Variants in FNTB observed in about 807,000 individuals in gnomAD.
The protein encoded by FNTB is farnesyltransferase, CAAX box, subunit beta.
A neutral mutation model predicts 59.4 loss-of-function variants in FNTB; 27 were observed. The observed-to-expected ratio is 0.45, with a 90% CI of 0.34 to 0.63. The LOEUF is 0.63. FNTB is among the 20% of genes least tolerant of loss of function. The pLI is 0.02. For synonymous variants in FNTB, 230 were observed against 220.7 expected (o/e 1.04, Z -0.37); for missense variants, 449 against 559.6 (o/e 0.80, Z 1.99).
At chr14:65,013,323 T>G (rs2061713159) in intron 3 of FNTB, among the ~76,000 whole-genome samples, 1 of 101,506 alleles carries the variant, frequency 9.9e-6, no homozygotes, top group African/African-American at 4.6e-5. Context: ...CATCTTTGTT[T>G]CCTTTTTTTT....
chr14:65,027,179 C>T lies in FNTB; in HGVS notation c.375-274C>T, dbSNP rs544130558. 5.9e-5 allele frequency among the ~76,000 whole-genome samples: 9 copies of T among 152,290 alleles called. No individual in the cohort carries two copies. Among genetic ancestry groups the T allele is most frequent in the East Asian group, 1.9e-4 (1 of 5,180 alleles). ...ACGGGAGACTCTTACCCCATAGCTA[C>T]GAAAGTCGGTTTCTTCCCAGCCTTG... is the stretch of plus-strand genomic sequence containing the variant. On this transcript the variant is annotated intron_variant, in intron 4 of 11. Coordinates refer to ENST00000246166, the MANE Select transcript of FNTB (RefSeq NM_002028.4). The surrounding 1 kb of genome is among the most constrained non-coding windows in gnomAD (Gnocchi z 5.7).
intron 7 of FNTB, among the ~76,000 whole-genome samples, chr14:65,040,347 C>G (rs1161352318): frequency 6.7e-6 from 1 of 149,100 alleles, no homozygotes; most frequent in East Asian, 2.0e-4. Context: ...GATTTTATAA[C>G]TTTTTCCCAA....
At chr14:65,017,789 C>A (rs1372603776) in intron 4 of FNTB, among the ~76,000 whole-genome samples, 1 of 152,040 alleles carries the variant, frequency 6.6e-6, no homozygotes, top group East Asian at 1.9e-4. Flanking sequence ...AACCCCATCT[C>A]TACTAAAATA....
intron 4 of FNTB, among the ~76,000 whole-genome samples, chr14:65,018,851 C>T (rs1016692959): frequency 1.3e-5 from 2 of 151,142 alleles, no homozygotes; most frequent in African/African-American, 4.9e-5. Flanking sequence ...TGGCTCACAC[C>T]TGTAATCCCA....
intron 2 of FNTB, 78 bp downstream of exon 2, chr14:65,004,391 G>C: frequency 6.8e-7 from 1 of 1,463,434 alleles, no homozygotes; most frequent in Admixed American, 1.9e-5. Flanking sequence ...CTCCTTGAGC[G>C]AATCTAACCA....
chr14:65,052,924 AGGTAAGCTAAACAGCT>A (rs2139673300), intron 9 of FNTB, among the ~76,000 whole-genome samples: 1 of 152,292 alleles, frequency 6.6e-6, no homozygotes, highest in East Asian at 1.9e-4. Flanking sequence ...CAGTCTGGGA[AGGTAAGCTAAACAGCT>A]AGGCTGGTTC....
chr14:65,006,978 T>C lies in FNTB; in HGVS notation c.209+2665T>C, dbSNP rs547886557. On this transcript the variant is annotated intron_variant, in intron 2 of 11. Transcript: ENST00000246166. Reference sequence around the variant, plus strand: ...AGTGTTCCTCCTGGGCTCGGATCCTTGTGGAAATAGAATATATCAGGGCTC... The same window carrying C: ...AGTGTTCCTCCTGGGCTCGGATCCTCGTGGAAATAGAATATATCAGGGCTC... 2.2e-4 allele frequency among the ~76,000 whole-genome samples: 33 copies of C among 152,272 alleles called. 2 individuals are homozygous for C. In the South Asian group the frequency reaches 6.6e-3, roughly 31 times the overall value.
Position 65,023,131 on chromosome 14 carries a change from CACTGCAACCTGG to C in FNTB, c.375-4318_375-4307del, listed in dbSNP as rs1457706541. On this transcript the variant is annotated intron_variant, in intron 4 of 11. Transcript: ENST00000246166. This position sits in a 1 kb window ranked among gnomAD's most constrained non-coding sequence, Gnocchi z 4.1. ...GGAATGCAGTGGCACAATCACAGCT[CACTGCAACCTGG>C]ACTTCCCCAAGCTCAAGTGATCCTC... is the stretch of plus-strand genomic sequence containing the variant. Among the ~76,000 whole-genome samples the C allele has an allele frequency of 6.6e-6, 1 of 152,222 alleles. No individual in the cohort carries two copies. Among genetic ancestry groups the C allele is most frequent in the Admixed American group, 6.5e-5 (1 of 15,284 alleles).
rs191879155 is a variant in FNTB at position 65,042,426 on chromosome 14, G to T, written c.822+1507G>T. Among the ~76,000 whole-genome samples the T allele has an allele frequency of 2.8e-4, 42 of 152,290 alleles. 3 individuals carry two copies. The highest frequency in any genetic ancestry group is 2.3e-3 in the Admixed American group (35 of 15,298). On this transcript the variant is annotated intron_variant, in intron 8 of 11. Coordinates refer to ENST00000246166, the MANE Select transcript of FNTB (RefSeq NM_002028.4). ...ACTCTCATGTAGAGCGTGCAACCTA[G>T]AAGCCTGGCATACACGGTTCACAGT... is the stretch of plus-strand genomic sequence containing the variant.
In FNTB at chr14:65,011,156, C is replaced by T. The variant is rs1454894674; in HGVS notation, c.210-1161C>T. Among the ~76,000 whole-genome samples the T allele has an allele frequency of 6.6e-6, 1 of 152,132 alleles. No individual in the cohort carries two copies. The highest frequency in any genetic ancestry group is 1.5e-5 in the Non-Finnish European group (1 of 68,038). ...TAAAGACTACATGAAGGGCTGGGTG[C>T]GGTGGCTCACGCCTGTAATCCCAGC... On this transcript the variant is annotated intron_variant, in intron 2 of 11. Coordinates refer to ENST00000246166, the MANE Select transcript of FNTB (RefSeq NM_002028.4). The surrounding 1 kb of genome is among the most constrained non-coding windows in gnomAD (Gnocchi z 4.0).
intron 1 of FNTB, chr14:65,003,374 AAAC>A (rs1344842009): frequency 6.6e-6 from 1 of 152,208 alleles, no homozygotes; most frequent in Non-Finnish European, 1.5e-5. Flanking sequence ...ATGAACATCC[AAAC>A]AACTTCATAG....
intron 4 of FNTB, among the ~76,000 whole-genome samples, chr14:65,020,375 A>G (rs1190112552): frequency 6.6e-6 from 1 of 152,026 alleles, no homozygotes; most frequent in East Asian, 1.9e-4. Context: ...AGCCTCCCAA[A>G]ACACTGGGAT....
At position 65,012,301 on chromosome 14, in the gene FNTB, C is replaced by T; in HGVS notation, c.210-16C>T. On this transcript the variant is annotated splice_polypyrimidine_tract_variant and intron_variant, in intron 2 of 11. Transcript: ENST00000246166. The surrounding 1 kb of genome is among the most constrained non-coding windows in gnomAD (Gnocchi z 5.0). ...TAAGCTATTAGAATGGGCTTATAAA[C>T]TGTTTGTCTTTCCAGGCTTGTTTTG... 1 of 1,614,038 alleles carries T rather than the reference C, an allele frequency of 6.2e-7. No individual in the cohort carries two copies. Among genetic ancestry groups the T allele is most frequent in the South Asian group, 1.1e-5 (1 of 91,078 alleles).
chr14:65,014,227 G>A lies in FNTB; in HGVS notation c.283-1398G>A, dbSNP rs1595021058. 1.3e-5 allele frequency among the ~76,000 whole-genome samples: 2 copies of A among 152,098 alleles called. No individual in the cohort carries two copies. The highest frequency in any genetic ancestry group is 6.5e-5 in the Admixed American group (1 of 15,268). Reference sequence around the variant, plus strand: ...ATATATTTTAATTTATAAAACTGGGGCAGTACTCCTACCTACCCTGCCTAG... The same window carrying A: ...ATATATTTTAATTTATAAAACTGGGACAGTACTCCTACCTACCCTGCCTAG... On this transcript the variant is annotated intron_variant, in intron 3 of 11. Coordinates refer to ENST00000246166, the MANE Select transcript of FNTB (RefSeq NM_002028.4). This position sits in a 1 kb window ranked among gnomAD's most constrained non-coding sequence, Gnocchi z 5.1.
Position 65,000,807 on chromosome 14 carries a change from C to T in FNTB, c.145-3442C>T, listed in dbSNP as rs73268746. The stretch of plus-strand genomic sequence containing the variant: ...TGCCCTCCAGCCTGGCAGAGCCAGA[C>T]TCCGTCTCAAAAAAAAAAAAAAAAA... On this transcript the variant is annotated intron_variant, in intron 1 of 11. Transcript: ENST00000246166. Among the ~76,000 whole-genome samples the T allele has an allele frequency of 8.6e-3, 660 of 77,014 alleles. 11 individuals carry two copies. The highest frequency in any genetic ancestry group is 0.022 in the African/African-American group (480 of 21,830). The allele number at this position is 77,014 out of a possible 152,430, so 50.5% of individuals were successfully genotyped here. A position where few individuals can be genotyped will look rare whatever the true frequency, so the allele number is the denominator to read the frequency against.
chr14:64,989,207 G>A (rs993601861), intron 1 of FNTB, among the ~76,000 whole-genome samples: 1 of 149,990 alleles, frequency 6.7e-6, no homozygotes, highest in South Asian at 2.1e-4. Context: ...TTGGGAGTTC[G>A]AGGCGGGAAG....
intron 7 of FNTB, among the ~76,000 whole-genome samples, chr14:65,037,146 C>G (rs1167682394): frequency 2.0e-5 from 3 of 150,944 alleles, no homozygotes; most frequent in African/African-American, 7.3e-5. Context: ...TGTTGTTACC[C>G]GGGCTGGAGT....
intron 11 of FNTB, among the ~76,000 whole-genome samples, chr14:65,059,014 C>T (rs765439998): frequency 1.3e-5 from 2 of 152,054 alleles, no homozygotes; most frequent in Non-Finnish European, 2.9e-5. Context: ...GCACCTCTTA[C>T]CTTTTTTCTT....
rs919645186 is a variant in FNTB, at chr14:64,987,077, A to G, written c.124A>G (p.Thr42Ala). The change falls in exon 1 of 12, where the codon ACA becomes GCA. Residue 42 changes from threonine (T) to alanine (A), a missense_variant. Physicochemically the swap from Thr to Ala is moderately conservative, Grantham distance 58 (BLOSUM62 0). Around this residue, in one of 2 missense-constraint regions of FNTB, gnomAD observed 112 missense variants for 80.5 expected, o/e 1.39. Transcript: ENST00000246166. ...GCGGTTGCAGGACGACTCGGTGGAAACAGTCACGTCCATAGAACAGGTGAG... is the reference window on the plus strand; with the variant it reads ...GCGGTTGCAGGACGACTCGGTGGAAGCAGTCACGTCCATAGAACAGGTGAG... Reference protein sequence around the residue: ...RERLQDDSVETVTSIEQAKVE... With the variant: ...RERLQDDSVEAVTSIEQAKVE... 4 of 1,614,204 alleles carry G rather than the reference A, an allele frequency of 2.5e-6. No individual in the cohort carries two copies. Among genetic ancestry groups the G allele is most frequent in the Non-Finnish European group, 3.4e-6 (4 of 1,180,030 alleles).
Sources: gnomAD v4.1 joint callset for allele counts (sites outside exome capture counted in the v4.1 genomes callset) on GRCh38, gnomAD v4.1.1 for gene constraint, gnomAD v4.1.1 regional missense constraint, Gnocchi (gnomAD v3.1) non-coding constraint, MANE v1.5 for transcripts, NCBI Gene and HGNC (gene_info 2026-07-23, HGNC 2026-07-21) for gene names.